Variants in FGGY observed in about 807,000 individuals in gnomAD.
FGGY encodes FGGY carbohydrate kinase domain containing.
In FGGY, 72 loss-of-function variants were observed where a neutral mutation model predicts 71.3. That is an observed-to-expected ratio of 1.01 (90% confidence interval 0.84 to 1.23). The LOEUF is 1.23. Among genes scored for constraint, FGGY ranks in the 50% most tolerant of loss-of-function variants. The pLI is 0.00. For synonymous variants in FGGY, 251 were observed against 250.3 expected, an observed-to-expected ratio of 1.00 and a Z score of -0.02; for missense variants, 668 against 682.3, an observed-to-expected ratio of 0.98 and a Z score of 0.23.
chr1:59,472,244 C>T (rs562099954), intron 6 of FGGY, among the ~76,000 whole-genome samples: 167 of 152,338 alleles, frequency 1.1e-3, no homozygotes, highest in South Asian at 5.2e-3. Context: ...CTCCACCGGC[C>T]CAGGGCAGTG....
chr1:59,375,153 G>A (rs1017813502), intron 4 of FGGY, among the ~76,000 whole-genome samples: 2 of 150,922 alleles, frequency 1.3e-5, no homozygotes, highest in African/African-American at 2.4e-5. Context: ...CCAGCTACTC[G>A]GGAGGCTGAG....
At chr1:59,501,639 A>G (rs1006458539) in intron 6 of FGGY, among the ~76,000 whole-genome samples, 1 of 152,216 alleles carries the variant, frequency 6.6e-6, no homozygotes, top group Non-Finnish European at 1.5e-5. Flanking sequence ...TCCTTTTGAA[A>G]CAAGCGTTTT....
intron 5 of FGGY, among the ~76,000 whole-genome samples, chr1:59,384,455 G>A (rs1383731199): frequency 1.3e-5 from 2 of 152,094 alleles, no homozygotes; most frequent in African/African-American, 4.8e-5. Flanking sequence ...GAACCCCTCT[G>A]AGCTTCCTTG....
chr1:59,579,178 C>T (rs1442560026), intron 8 of FGGY, among the ~76,000 whole-genome samples: 1 of 152,154 alleles, frequency 6.6e-6, no homozygotes, highest in Non-Finnish European at 1.5e-5. Flanking sequence ...GCCCTCCCTT[C>T]TCAAAACCCC....
chr1:59,346,427 C>A (rs202088933), intron 4 of FGGY, 29 bp downstream of exon 4: 6 of 1,608,410 alleles, frequency 3.7e-6, no homozygotes, highest in Admixed American at 3.3e-5. Context: ...AGAGAAGATA[C>A]CAACAATAGT....
chr1:59,671,336 A>G (rs2097375261), intron 13 of FGGY, among the ~76,000 whole-genome samples: 1 of 152,234 alleles, frequency 6.6e-6, no homozygotes, highest in Non-Finnish European at 1.5e-5. Context: ...AGCCCAGACA[A>G]CCAAGAAGTA....
intron 5 of FGGY, among the ~76,000 whole-genome samples, chr1:59,423,054 A>G (rs1374574456): frequency 6.6e-6 from 1 of 152,142 alleles, no homozygotes; most frequent in African/African-American, 2.4e-5. Context: ...CTATTTCTCA[A>G]TTCTTTCTTG....
chr1:59,440,229 AG>A (rs2069490739), intron 5 of FGGY, among the ~76,000 whole-genome samples: 1 of 152,130 alleles, frequency 6.6e-6, no homozygotes, highest in Non-Finnish European at 1.5e-5. Flanking sequence ...GTAATTCTAA[AG>A]GAGATAAAAA....
chr1:59,313,153 G>A (rs558733886), intron 1 of FGGY, among the ~76,000 whole-genome samples: 1 of 152,200 alleles, frequency 6.6e-6, no homozygotes, highest in South Asian at 2.1e-4. Flanking sequence ...TGGTAGAAGG[G>A]GCAAGAGTCT....
chr1:59,450,689 T>C (rs1239077988), intron 5 of FGGY, among the ~76,000 whole-genome samples: 1 of 152,136 alleles, frequency 6.6e-6, no homozygotes, highest in East Asian at 1.9e-4. Context: ...TTTTAAATTT[T>C]AGAAGCTCTT....
chr1:59,620,945 A>G (rs1204155651), intron 9 of FGGY, among the ~76,000 whole-genome samples: 1 of 152,094 alleles, frequency 6.6e-6, no homozygotes, highest in Non-Finnish European at 1.5e-5. Flanking sequence ...AAAATACCAC[A>G]GGTTGGGTGG....
chr1:59,666,350 T>C (rs2097326088), intron 12 of FGGY, among the ~76,000 whole-genome samples: 1 of 152,254 alleles, frequency 6.6e-6, no homozygotes, highest in Non-Finnish European at 1.5e-5. Context: ...CATCACCATG[T>C]GGCTGCCCCC....
chr1:59,730,505 AAAGT>A (rs1261810946), intron 14 of FGGY, among the ~76,000 whole-genome samples: 3 of 152,172 alleles, frequency 2.0e-5, no homozygotes, highest in African/African-American at 7.2e-5. Flanking sequence ...CACCTGACTC[AAAGT>A]AAGCGGGCCA....
intron 7 of FGGY, among the ~76,000 whole-genome samples, chr1:59,513,861 C>T (rs1345932633): frequency 6.6e-6 from 1 of 152,214 alleles, no homozygotes; most frequent in Non-Finnish European, 1.5e-5. Context: ...GTTCTACATA[C>T]TACATGGATT....
intron 5 of FGGY, among the ~76,000 whole-genome samples, chr1:59,389,447 A>G (rs1408078919): frequency 1.3e-5 from 2 of 152,170 alleles, no homozygotes; most frequent in African/African-American, 4.8e-5. Context: ...TGCATATACT[A>G]CATTTTGCTT....
chr1:59,725,495 G>A (rs1348780073), intron 14 of FGGY, among the ~76,000 whole-genome samples: 1 of 151,904 alleles, frequency 6.6e-6, no homozygotes, highest in African/African-American at 2.4e-5. Flanking sequence ...ATCATTTTAT[G>A]GATACTTAAA....
At chr1:59,417,863 C>A (rs961457626) in intron 5 of FGGY, among the ~76,000 whole-genome samples, 2 of 152,050 alleles carry the variant, frequency 1.3e-5, no homozygotes, top group African/African-American at 4.8e-5. Flanking sequence ...AAATAGAAAA[C>A]TTAGTTCCTC....
At chr1:59,734,353 C>T (rs2098080019) in intron 14 of FGGY, among the ~76,000 whole-genome samples, 1 of 152,112 alleles carries the variant, frequency 6.6e-6, no homozygotes, top group African/African-American at 2.4e-5. Flanking sequence ...CAGGCGTGCA[C>T]CGCCACACCC....
intron 6 of FGGY, among the ~76,000 whole-genome samples, chr1:59,509,599 C>T (rs1374646407): frequency 6.6e-6 from 1 of 152,146 alleles, no homozygotes; most frequent in Non-Finnish European, 1.5e-5. Context: ...TTTACCTAGC[C>T]CTTTTGATAG....
Sources: allele counts gnomAD v4.1 joint callset (sites outside exome capture counted in the v4.1 genomes callset), GRCh38; gene constraint gnomAD v4.1.1; transcripts MANE v1.5; gene names NCBI Gene and HGNC (gene_info 2026-07-23, HGNC 2026-07-21).